The following VAV3 variants were observed in gnomAD, a reference collection of about 807,000 sequenced individuals.
The protein encoded by VAV3 is vav guanine nucleotide exchange factor 3.
Under a neutral mutation model 131.2 loss-of-function variants are expected in VAV3, and 94 were observed. The observed-to-expected ratio is 0.72, with a 90% CI of 0.61 to 0.85. VAV3 has a LOEUF of 0.85. Among genes scored for constraint, VAV3 ranks in the 40% least tolerant of loss-of-function variants. The probability of loss-of-function intolerance (pLI) is 0.00; values close to 1 mark genes in which losing one functional copy is unlikely to be tolerated. For synonymous variants in VAV3, 349 were observed against 342.0 expected (o/e 1.02, Z -0.22); for missense variants, 939 against 1,002.7 (o/e 0.94, Z 0.86).
At position 107,602,387 on chromosome 1, in the gene VAV3, C is replaced by G; in HGVS notation, c.2220+10G>C. The G allele has an allele frequency of 6.6e-7, 1 of 1,513,262 alleles. No individual in the cohort carries two copies. Among genetic ancestry groups the G allele is most frequent in the Non-Finnish European group, 8.9e-7 (1 of 1,121,640 alleles). 93.7% of individuals were successfully genotyped at this position (1,513,262 alleles called of 1,614,324 possible). On this transcript the variant is annotated intron_variant, in intron 24 of 26. Transcript: ENST00000370056. ...GGATCCCAGATTGAAAAGAAATAATCAATGCTTACCATTAAACTTTTAAAT... is the reference window on the plus strand; with the variant it reads ...GGATCCCAGATTGAAAAGAAATAATGAATGCTTACCATTAAACTTTTAAAT...
At chr1:107,648,455 T>C (rs552941005) in intron 19 of VAV3, among the ~76,000 whole-genome samples, 8 of 152,194 alleles carry the variant, frequency 5.3e-5, no homozygotes, top group Non-Finnish European at 1.0e-4. Flanking sequence ...TCTGTTCTGT[T>C]ATACATGTAC....
chr1:107,727,462 A>T (rs1661916619), intron 15 of VAV3, among the ~76,000 whole-genome samples: 1 of 152,224 alleles, frequency 6.6e-6, no homozygotes, highest in Non-Finnish European at 1.5e-5. Context: ...GCATAAATTA[A>T]TTATTAGGCA....
In VAV3 at chr1:107,753,561, CT is replaced by C. The variant is rs1553201332; in HGVS notation, c.1173+1865del. Among the ~76,000 whole-genome samples, 8 of 81,578 alleles carry C rather than the reference CT, an allele frequency of 9.8e-5. No individual in the cohort carries two copies. In the East Asian group the frequency reaches 2.1e-3, roughly 22 times the overall value. The allele number at this position is 81,578 out of a possible 152,430, so 53.5% of individuals were successfully genotyped here. A position where few individuals can be genotyped will look rare whatever the true frequency, so the allele number is the denominator to read the frequency against. On this transcript the variant is annotated intron_variant, in intron 12 of 26. Coordinates refer to ENST00000370056, the MANE Select transcript of VAV3 (RefSeq NM_006113.5). ...ATATATATATATATACACACACACA[CT>C]TTTTTTTTTGAGACAGAGTCAGAGT...
intron 2 of VAV3, among the ~76,000 whole-genome samples, chr1:107,803,072 G>A (rs1026011404): frequency 6.6e-6 from 1 of 151,854 alleles, no homozygotes; most frequent in Admixed American, 6.6e-5. Flanking sequence ...ATCTTGTCAG[G>A]TTGTATGTGT....
chr1:107,808,183 T>C (rs999009507), intron 2 of VAV3, among the ~76,000 whole-genome samples: 1 of 152,176 alleles, frequency 6.6e-6, no homozygotes, highest in African/African-American at 2.4e-5. Flanking sequence ...ATTTCCATCT[T>C]TAGTAGAAAT....
At chr1:107,747,796 A>G (rs1663446206) in intron 15 of VAV3, among the ~76,000 whole-genome samples, 1 of 152,160 alleles carries the variant, frequency 6.6e-6, no homozygotes, top group African/African-American at 2.4e-5. Flanking sequence ...AATTGACTAT[A>G]AGCTTAAATA....
At chr1:107,959,314 C>T (rs1674971438) in intron 1 of VAV3, among the ~76,000 whole-genome samples, 1 of 151,914 alleles carries the variant, frequency 6.6e-6, no homozygotes, top group Admixed American at 6.6e-5. Context: ...GATTTCTTTT[C>T]CCCTAGTAGC....
At chr1:107,669,458 G>A in intron 19 of VAV3, 1 of 1,289,198 alleles carries the variant, frequency 7.8e-7, no homozygotes, top group Non-Finnish European at 1.0e-6. Flanking sequence ...AAGAAATGAA[G>A]GAGACAGGGC....
intron 1 of VAV3, among the ~76,000 whole-genome samples, chr1:107,882,109 G>A (rs1454567790): frequency 6.6e-6 from 1 of 152,128 alleles, no homozygotes; most frequent in Non-Finnish European, 1.5e-5. Context: ...CTGAGGCAAT[G>A]GAAGAGGAAA....
chr1:107,605,317 G>C (rs1189012486), intron 22 of VAV3, among the ~76,000 whole-genome samples: 1 of 152,162 alleles, frequency 6.6e-6, no homozygotes, highest in Non-Finnish European at 1.5e-5. Flanking sequence ...GTGGATTAAT[G>C]ACCTTATCAT....
chr1:107,592,514 G>A (rs1285228786), intron 25 of VAV3, among the ~76,000 whole-genome samples: 1 of 151,928 alleles, frequency 6.6e-6, no homozygotes, highest in Non-Finnish European at 1.5e-5. Flanking sequence ...CTACTCTGTG[G>A]CCCAACTAAT....
At chr1:107,961,464 T>C (rs909160854) in intron 1 of VAV3, among the ~76,000 whole-genome samples, 39 of 152,292 alleles carry the variant, frequency 2.6e-4, no homozygotes, top group African/African-American at 9.1e-4. Context: ...GCTAGAATAC[T>C]GTTTCAGATG....
rs187898785 is a variant in VAV3, at chr1:107,639,289, C to A, written c.1914+3330G>T. 1.4e-4 allele frequency among the ~76,000 whole-genome samples: 21 copies of A among 152,010 alleles called. No homozygotes were observed. The East Asian group carries it at 3.9e-3, about 28-fold the overall frequency. The stretch of plus-strand genomic sequence containing the variant: ...GGCAAAGATTTGTTAGATGTAATAC[C>A]TTTAGCATGATCCATATAAAGAACA... On this transcript the variant is annotated intron_variant, in intron 20 of 26. Coordinates refer to ENST00000370056, the MANE Select transcript of VAV3 (RefSeq NM_006113.5).
At chr1:107,673,777 CAT>C (rs1657988870) in intron 19 of VAV3, 1 of 152,162 alleles carries the variant, frequency 6.6e-6, no homozygotes, top group African/African-American at 2.4e-5. Context: ...ATTTAATAAA[CAT>C]GTGGCTGCAC....
At chr1:107,850,118 G>C (rs549659189) in intron 2 of VAV3, among the ~76,000 whole-genome samples, 12 of 152,276 alleles carry the variant, frequency 7.9e-5, no homozygotes, top group African/African-American at 2.6e-4. Flanking sequence ...TTACACCATT[G>C]GTGGGAGTGT....
intron 2 of VAV3, among the ~76,000 whole-genome samples, chr1:107,812,274 A>T (rs763856213): frequency 1.3e-5 from 2 of 152,174 alleles, no homozygotes; most frequent in Non-Finnish European, 2.9e-5. Flanking sequence ...GCACAATGAG[A>T]ATCCTGATGG....
intron 1 of VAV3, among the ~76,000 whole-genome samples, chr1:107,949,845 G>T (rs1027928937): frequency 1.3e-5 from 2 of 152,168 alleles, no homozygotes; most frequent in Admixed American, 1.3e-4. Flanking sequence ...TCTCATATTT[G>T]AAAGTTTTCT....
At chr1:107,733,709 C>A (rs1420500411) in intron 15 of VAV3, among the ~76,000 whole-genome samples, 1 of 151,954 alleles carries the variant, frequency 6.6e-6, no homozygotes, top group Non-Finnish European at 1.5e-5. Flanking sequence ...TAAAAAGAAA[C>A]AAACAAAGCC....
chr1:107,575,175 C>T (rs1021598692), intron 25 of VAV3, among the ~76,000 whole-genome samples: 1 of 152,262 alleles, frequency 6.6e-6, no homozygotes, highest in Non-Finnish European at 1.5e-5. Flanking sequence ...CTACCTGTTG[C>T]TCTTTGGGGT....
Sources: gnomAD v4.1 joint callset for allele counts (sites outside exome capture counted in the v4.1 genomes callset) on GRCh38, gnomAD v4.1.1 for gene constraint, MANE v1.5 for transcripts, NCBI Gene and HGNC (gene_info 2026-07-23, HGNC 2026-07-21) for gene names.